Variants in RNGTT observed in about 807,000 individuals in gnomAD.
RNGTT encodes the protein RNA guanylyltransferase and 5'-phosphatase, also known as mRNA-capping enzyme.
RNGTT carries 33 observed loss-of-function variants against 79.3 expected under a neutral mutation model. The ratio of observed to expected loss-of-function variants is 0.42; its 90% CI spans 0.32 to 0.56. RNGTT has a LOEUF of 0.56. Among genes scored for constraint, RNGTT ranks in the 20% least tolerant of loss-of-function variants. RNGTT has a pLI of 0.17. For synonymous variants in RNGTT, 222 were observed against 235.9 expected, an observed-to-expected ratio of 0.94 and a Z score of 0.54; for missense variants, 497 against 739.1, an observed-to-expected ratio of 0.67 and a Z score of 3.80.
At chr6:88,748,202 T>C (rs1040539033) in intron 13 of RNGTT, among the ~76,000 whole-genome samples, 2 of 152,100 alleles carry the variant, frequency 1.3e-5, no homozygotes, top group African/African-American at 4.8e-5. Flanking sequence ...CGAATGTCAG[T>C]TATCATCCTG....
intron 1 of RNGTT, among the ~76,000 whole-genome samples, chr6:88,957,170 A>T (rs1032109810): frequency 6.6e-6 from 1 of 152,352 alleles, no homozygotes; most frequent in Non-Finnish European, 1.5e-5. Context: ...TAAAACCTTC[A>T]GCAAAACTGG....
At chr6:88,932,689 TTTTC>T (rs1437521482) in intron 2 of RNGTT, among the ~76,000 whole-genome samples, 1 of 152,156 alleles carries the variant, frequency 6.6e-6, no homozygotes. Flanking sequence ...TATAGCCAAT[TTTTC>T]TTTCTGGATT....
intron 9 of RNGTT, among the ~76,000 whole-genome samples, 180 bp downstream of exon 9, chr6:88,853,449 G>A (rs1197085874): frequency 1.4e-5 from 2 of 147,026 alleles, no homozygotes; most frequent in African/African-American, 5.1e-5. Flanking sequence ...AGGTTGCAGT[G>A]AACCGAGATC....
intron 14 of RNGTT, among the ~76,000 whole-genome samples, chr6:88,672,062 T>C (rs758981906): frequency 5.3e-5 from 8 of 152,040 alleles, no homozygotes; most frequent in Non-Finnish European, 1.2e-4. Flanking sequence ...GTAGAGTTCA[T>C]GACCAGGAAC....
At chr6:88,631,147 C>T (rs952550238) in intron 14 of RNGTT, among the ~76,000 whole-genome samples, 4 of 152,154 alleles carry the variant, frequency 2.6e-5, no homozygotes, top group African/African-American at 7.2e-5. Flanking sequence ...TTTCTGATGG[C>T]CACACAGTTC....
chr6:88,837,276 A>T (rs1781112710), intron 11 of RNGTT, among the ~76,000 whole-genome samples: 1 of 152,146 alleles, frequency 6.6e-6, no homozygotes, highest in Admixed American at 6.6e-5. Context: ...ACGTGCCTGT[A>T]GTCCCAGCTA....
intron 4 of RNGTT, among the ~76,000 whole-genome samples, chr6:88,913,228 A>AC (rs1319414038): frequency 0.018 from 2,313 of 129,746 alleles, 65 homozygotes; most frequent in African/African-American, 0.065. Flanking sequence ...AAAAAAAAAC[A>AC]AAAAAAAAAA....
intron 6 of RNGTT, among the ~76,000 whole-genome samples, chr6:88,900,539 G>T (rs1247131381): frequency 6.6e-6 from 1 of 150,864 alleles, no homozygotes; most frequent in Non-Finnish European, 1.5e-5. Context: ...ATCCACACAA[G>T]CCTGGCCAAC....
At chr6:88,780,184 T>C (rs1488435292) in intron 12 of RNGTT, among the ~76,000 whole-genome samples, 1 of 152,120 alleles carries the variant, frequency 6.6e-6, no homozygotes, top group Admixed American at 6.6e-5. Flanking sequence ...AGTAAAATGC[T>C]CAAATACTTT....
At position 88,935,299 on chromosome 6, in the gene RNGTT, C is replaced by T. The variant is rs563863567; in HGVS notation, c.174+5772G>A. ...CCATTAGTCTGTTTTTACACCAATG[C>T]CATGCTGTTTTGGTTACTATAGCCT... On this transcript the variant is annotated intron_variant, in intron 2 of 15. Transcript: ENST00000369485. Among the ~76,000 whole-genome samples the T allele has an allele frequency of 3.9e-5, 6 of 152,276 alleles. 1 individual carries two copies. In the South Asian group the frequency reaches 1.2e-3, roughly 32 times the overall value.
intron 6 of RNGTT, among the ~76,000 whole-genome samples, chr6:88,892,257 C>T (rs1247055189): frequency 6.6e-6 from 1 of 152,000 alleles, no homozygotes; most frequent in Non-Finnish European, 1.5e-5. Context: ...AAAAAATAGA[C>T]TGTACTGTAT....
intron 6 of RNGTT, among the ~76,000 whole-genome samples, chr6:88,903,528 T>TA (rs1264850133): frequency 1.3e-5 from 2 of 152,204 alleles, no homozygotes; most frequent in South Asian, 2.1e-4. Context: ...AATAATAAAT[T>TA]ACTTTTGAAA....
intron 8 of RNGTT, among the ~76,000 whole-genome samples, chr6:88,854,748 C>T (rs116323317): frequency 0.019 from 2,864 of 152,198 alleles, 77 homozygotes; most frequent in African/African-American, 0.065. Flanking sequence ...TGGGGGAATT[C>T]ATACACTTAA....
chr6:88,929,632 C>A (rs912870166), intron 2 of RNGTT, among the ~76,000 whole-genome samples: 1 of 152,014 alleles, frequency 6.6e-6, no homozygotes, highest in African/African-American at 2.4e-5. Flanking sequence ...GAGGCTAGAG[C>A]AGGAATGGCA....
At chr6:88,763,884 A>G (rs1562240290) in intron 13 of RNGTT, among the ~76,000 whole-genome samples, 1 of 152,206 alleles carries the variant, frequency 6.6e-6, no homozygotes, top group Non-Finnish European at 1.5e-5. Context: ...CAGTACTCCA[A>G]CTCATTGACC....
At chr6:88,672,741 C>G (rs1774704065) in intron 14 of RNGTT, among the ~76,000 whole-genome samples, 1 of 152,138 alleles carries the variant, frequency 6.6e-6, no homozygotes, top group South Asian at 2.1e-4. Flanking sequence ...ATAACTTCCC[C>G]TAACCACAAT....
intron 14 of RNGTT, among the ~76,000 whole-genome samples, chr6:88,646,553 T>C (rs1239758657): frequency 2.6e-5 from 4 of 152,210 alleles, no homozygotes; most frequent in East Asian, 3.8e-4. Context: ...CCTATGTTTA[T>C]TGTGGCACTA....
rs1387735835 is a variant in RNGTT at position 88,929,350 on chromosome 6, A to G, written c.175-83T>C. Reference sequence around the variant, plus strand: ...TAAGTAGACTAAATGGCAATACTACAGTTCATTCATTTACATTGAGGGAGA... The same window carrying G: ...TAAGTAGACTAAATGGCAATACTACGGTTCATTCATTTACATTGAGGGAGA... On this transcript the variant is annotated intron_variant, in intron 2 of 15. Coordinates refer to ENST00000369485, the MANE Select transcript of RNGTT (RefSeq NM_003800.5). 6 of 813,702 alleles carry G rather than the reference A, an allele frequency of 7.4e-6. No individual in the cohort carries two copies. In the East Asian group the frequency reaches 1.5e-4, roughly 20 times the overall value. The allele number at this position is 813,702 out of a possible 1,614,324, so 50.4% of individuals were successfully genotyped here. A position where few individuals can be genotyped will look rare whatever the true frequency, so the allele number is the denominator to read the frequency against.
At chr6:88,743,299 C>T (rs960166190) in intron 13 of RNGTT, among the ~76,000 whole-genome samples, 5 of 151,900 alleles carry the variant, frequency 3.3e-5, no homozygotes, top group African/African-American at 4.8e-5. Context: ...TTGTTTTTTT[C>T]TCCAATTTTT....
Sources: allele counts gnomAD v4.1 joint callset (sites outside exome capture counted in the v4.1 genomes callset), GRCh38; gene constraint gnomAD v4.1.1; transcripts MANE v1.5; gene names NCBI Gene and HGNC (gene_info 2026-07-23, HGNC 2026-07-21).